RAPGEF2: variants seen among roughly 807,000 people sequenced by gnomAD.
The protein encoded by RAPGEF2 is Rap guanine nucleotide exchange factor 2, also known as PDZ domain containing guanine nucleotide exchange factor (GEF) 1.
Under a neutral mutation model 186.7 loss-of-function variants are expected in RAPGEF2, and 54 were observed. The ratio of observed to expected loss-of-function variants is 0.29; its 90% CI spans 0.23 to 0.36. RAPGEF2 has a LOEUF of 0.36. RAPGEF2 is among the 10% of genes least tolerant of loss of function. RAPGEF2 has a pLI of 1.00. For missense variants in RAPGEF2, 1,532 were observed against 2,045.0 expected, an observed-to-expected ratio of 0.75 and a Z score of 4.84; for synonymous variants, 712 against 705.9, an observed-to-expected ratio of 1.01 and a Z score of -0.14.
At chr4:159,274,980 C>T (rs371333031) in intron 7 of RAPGEF2, among the ~76,000 whole-genome samples, 1 of 152,052 alleles carries the variant, frequency 6.6e-6, no homozygotes, top group Non-Finnish European at 1.5e-5. Context: ...TCACTTGTCA[C>T]TCTCTGCCAT....
intron 24 of RAPGEF2, among the ~76,000 whole-genome samples, chr4:159,345,530 A>G (rs2111288320): frequency 6.6e-6 from 1 of 152,358 alleles, no homozygotes; most frequent in African/African-American, 2.4e-5. Flanking sequence ...CAACTGGGTT[A>G]GTATGTGGAA....
intron 4 of RAPGEF2, among the ~76,000 whole-genome samples, chr4:159,235,226 ATT>A (rs1326985825): frequency 6.6e-6 from 1 of 152,078 alleles, no homozygotes; most frequent in Admixed American, 6.6e-5. Context: ...CATTGTAATT[ATT>A]GTTTTTGATT....
intron 1 of RAPGEF2, among the ~76,000 whole-genome samples, chr4:159,124,784 AAT>A (rs1740100672): frequency 6.6e-6 from 1 of 152,188 alleles, no homozygotes. Flanking sequence ...GATCTTTACA[AAT>A]ATACTCTGAG....
At chr4:159,218,035 A>G (rs1034046094) in intron 4 of RAPGEF2, among the ~76,000 whole-genome samples, 1 of 152,260 alleles carries the variant, frequency 6.6e-6, no homozygotes, top group Non-Finnish European at 1.5e-5. Context: ...CACATTTGTT[A>G]TAAGTCATAC....
intron 7 of RAPGEF2, among the ~76,000 whole-genome samples, chr4:159,283,144 G>A (rs1042453273): frequency 4.6e-5 from 7 of 152,090 alleles, no homozygotes; most frequent in Non-Finnish European, 8.8e-5. Context: ...CATGTTAGTT[G>A]TTTGTGACCC....
In RAPGEF2 at chr4:159,152,181, G is replaced by A. The variant is rs536286980; in HGVS notation, c.70-34461G>A. Among the ~76,000 whole-genome samples, 47 of 151,708 alleles carry A rather than the reference G, an allele frequency of 3.1e-4. 2 individuals are homozygous for A. The South Asian group carries it at 9.8e-3, about 32-fold the overall frequency. On this transcript the variant is annotated intron_variant, in intron 1 of 29. Coordinates refer to ENST00000691494, the MANE Select transcript of RAPGEF2 (RefSeq NM_001394067.2). ...TACAAAAAATACAAAATTTAGCCAG[G>A]CATAGTGTTGCACGCCTGTAGTCCT...
intron 7 of RAPGEF2, among the ~76,000 whole-genome samples, chr4:159,269,184 G>A (rs1361795426): frequency 6.6e-6 from 1 of 152,182 alleles, no homozygotes; most frequent in Non-Finnish European, 1.5e-5. Flanking sequence ...ATATTTAGAT[G>A]CTGAGGTTCA....
intron 4 of RAPGEF2, among the ~76,000 whole-genome samples, chr4:159,218,743 G>T (rs1255232632): frequency 6.6e-6 from 1 of 151,758 alleles, no homozygotes; most frequent in Admixed American, 6.6e-5. Flanking sequence ...GGGCAACAGA[G>T]CGAGACTCCA....
At chr4:159,282,359 AT>A (rs1759834724) in intron 7 of RAPGEF2, 1 of 181,920 alleles carries the variant, frequency 5.5e-6, no homozygotes, top group Non-Finnish European at 1.1e-5. Flanking sequence ...GATATGAAAA[AT>A]TTCTATTATT....
intron 7 of RAPGEF2, among the ~76,000 whole-genome samples, chr4:159,244,377 C>A (rs1579582675): frequency 6.6e-6 from 1 of 151,770 alleles, no homozygotes; most frequent in Non-Finnish European, 1.5e-5. Context: ...TTATTTCATT[C>A]TACATTTTAA....
rs574801693 is a variant in RAPGEF2 at position 159,243,620 on chromosome 4, C to T, written c.526-154C>T. Among the ~76,000 whole-genome samples the T allele has an allele frequency of 5.9e-5, 9 of 152,104 alleles. No homozygotes were observed. In the South Asian group the frequency reaches 1.4e-3, roughly 25 times the overall value. ...GCATTTCAAGTGCATGGCTAAATAACATGGGAAGCATTATACATATAGCTG... is the reference window on the plus strand; with the variant it reads ...GCATTTCAAGTGCATGGCTAAATAATATGGGAAGCATTATACATATAGCTG... On this transcript the variant is annotated intron_variant, in intron 6 of 29. Transcript: ENST00000691494.
At chr4:159,112,479 T>C (rs1290164781) in intron 1 of RAPGEF2, among the ~76,000 whole-genome samples, 1 of 152,170 alleles carries the variant, frequency 6.6e-6, no homozygotes, top group Non-Finnish European at 1.5e-5. Context: ...CTAATGACTG[T>C]ATATACAAAA....
At chr4:159,233,010 G>A (rs2111443711) in intron 4 of RAPGEF2, among the ~76,000 whole-genome samples, 1 of 152,042 alleles carries the variant, frequency 6.6e-6, no homozygotes, top group African/African-American at 2.4e-5. Flanking sequence ...GTTTACATTG[G>A]GTTATCTTTT....
intron 10 of RAPGEF2, among the ~76,000 whole-genome samples, chr4:159,323,135 A>G (rs2017009): frequency 0.7 from 107,161 of 152,138 alleles, 38,905 homozygotes; most frequent in African/African-American, 0.88. Flanking sequence ...TGATATTCTC[A>G]TTGAGGCAAT....
intron 7 of RAPGEF2, chr4:159,267,075 G>T: frequency 1.1e-6 from 1 of 898,980 alleles, no homozygotes; most frequent in South Asian, 1.7e-5. Flanking sequence ...GAATATTTCA[G>T]TGTGTATAGG....
intron 7 of RAPGEF2, among the ~76,000 whole-genome samples, chr4:159,281,671 CAAA>C (rs11346544): frequency 1.6e-4 from 14 of 85,142 alleles, no homozygotes; most frequent in East Asian, 8.5e-4. Flanking sequence ...AACTTGATTT[CAAA>C]AAAAAAAAAA....
intron 3 of RAPGEF2, among the ~76,000 whole-genome samples, chr4:159,200,257 C>T (rs1198269308): frequency 6.6e-6 from 1 of 151,928 alleles, no homozygotes; most frequent in Non-Finnish European, 1.5e-5. Context: ...CGCTTGAGCC[C>T]AGGAGTTCGA....
chr4:159,355,421 A>T (rs1731824826), intron 28 of RAPGEF2, among the ~76,000 whole-genome samples: 1 of 152,188 alleles, frequency 6.6e-6, no homozygotes, highest in Non-Finnish European at 1.5e-5. Flanking sequence ...AAGAGGGCAG[A>T]TCCGGCAGGC....
At chr4:159,107,095 C>T (rs1737968918) in intron 1 of RAPGEF2, among the ~76,000 whole-genome samples, 2 of 152,042 alleles carry the variant, frequency 1.3e-5, no homozygotes. Flanking sequence ...AATGTGTGTC[C>T]CATATTGTGT....
Sources: allele counts gnomAD v4.1 joint callset (sites outside exome capture counted in the v4.1 genomes callset), GRCh38; gene constraint gnomAD v4.1.1; transcripts MANE v1.5; gene names NCBI Gene and HGNC (gene_info 2026-07-23, HGNC 2026-07-21).